Variants in SUV39H1 observed in about 807,000 individuals in gnomAD.
SUV39H1 encodes histone-lysine N-methyltransferase SUV39H1.
For missense variants in SUV39H1, 180 were observed against 386.3 expected, an observed-to-expected ratio of 0.47 and a Z score of 4.48; for synonymous variants, 141 against 150.5, an observed-to-expected ratio of 0.94 and a Z score of 0.46.
intron 1 of SUV39H1, among the ~76,000 whole-genome samples, chrX:48,697,132 C>G (rs1258255613): frequency 9.0e-6 from 1 of 110,840 alleles, no homozygotes; most frequent in Non-Finnish European, 1.9e-5. Flanking sequence ...AAAATCGGCC[C>G]CTGGTGACCG....
intron 3 of SUV39H1, among the ~76,000 whole-genome samples, chrX:48,704,864 C>T (rs1422767691): frequency 9.0e-6 from 1 of 111,186 alleles, no homozygotes; most frequent in Non-Finnish European, 1.9e-5. Flanking sequence ...CGGGCCTGGT[C>T]CCTGTGTCTC....
rs1557010138 is a variant in SUV39H1 at position 48,706,417 on chromosome X, T to TACCCC, written c.975+7_975+11dup. 8.3e-7 allele frequency: 1 copy of TACCCC among 1,207,590 alleles called. No homozygotes were observed. The highest frequency in any genetic ancestry group is 2.2e-5 in the Admixed American group (1 of 45,764). On this transcript the variant is annotated splice_region_variant and intron_variant, in intron 4 of 5. Coordinates refer to ENST00000376687, the MANE Select transcript of SUV39H1 (RefSeq NM_003173.4). ...CCCACTTTGTCAACCACAGTGTGGG[T>TACCCC]ACCCCCGGCAGGCGGGCAAGGGGTC...
In SUV39H1 at chrX:48,707,687, CACCTGCTCCT is replaced by C. The variant is rs782676806; in HGVS notation, c.*126_*135del. On this transcript the variant is annotated 3_prime_UTR_variant, in exon 6 of 6. Coordinates refer to ENST00000376687, the MANE Select transcript of SUV39H1 (RefSeq NM_003173.4). ...GGCCTCGCCTGCCTCCACCTGCCCCCACCTGCTCCTACCTGCTCTACGTTCAGGGCTGTGG... is the reference window on the plus strand; with the variant it reads ...GGCCTCGCCTGCCTCCACCTGCCCCCACCTGCTCTACGTTCAGGGCTGTGG... 1.1e-6 allele frequency: 1 copy of C among 940,535 alleles called. No homozygotes were observed. 77.5% of individuals were successfully genotyped at this position (940,535 alleles called of 1,213,427 possible). A position where few individuals can be genotyped will look rare whatever the true frequency, so the allele number is the denominator to read the frequency against.
rs1402068215 is a variant in SUV39H1, at chrX:48,707,735, C to T, written c.*165C>T. 1 of 630,633 alleles carries T rather than the reference C, an allele frequency of 1.6e-6. No individual in the cohort carries two copies. The highest frequency in any genetic ancestry group is 2.2e-5 in the African/African-American group (1 of 45,569). The allele number at this position is 630,633 out of a possible 1,213,427, so 52.0% of individuals were successfully genotyped here. ...TTCAGGGCTGTGGCCGTGGTGAGGA[C>T]CGACTCCAGGAGTCCCCTTTCCCTG... On this transcript the variant is annotated 3_prime_UTR_variant, in exon 6 of 6. Coordinates refer to ENST00000376687, the MANE Select transcript of SUV39H1 (RefSeq NM_003173.4).
upstream of SUV39H1, chrX:48,696,613 C>A (rs2062456254): frequency 4.9e-6 from 3 of 610,217 alleles, no homozygotes; most frequent in Non-Finnish European, 6.8e-6. Context: ...CACCCGCCTC[C>A]GGGACCGAGC....
At chrX:48,702,884 A>G (rs2062479367) in intron 3 of SUV39H1, among the ~76,000 whole-genome samples, 1 of 111,462 alleles carries the variant, frequency 9.0e-6, no homozygotes, top group Admixed American at 9.5e-5. Flanking sequence ...GGAAAGAGCC[A>G]AACTCATCTT....
Position 48,707,600 on chromosome X carries a change from A to G in SUV39H1, c.*30A>G, listed in dbSNP as rs781791975. On this transcript the variant is annotated 3_prime_UTR_variant, in exon 6 of 6. Coordinates refer to ENST00000376687, the MANE Select transcript of SUV39H1 (RefSeq NM_003173.4). ...TAGAAGTCTGAGGCCAGACTGACTG[A>G]GGGGGCCTGAAGCTACATGCACCTC... 537 of 1,205,417 alleles carry G rather than the reference A, an allele frequency of 4.5e-4. 5 individuals are homozygous for G. In the South Asian group the frequency reaches 9.1e-3, roughly 20 times the overall value.
chrX:48,699,143 G>C (rs2062465917), intron 2 of SUV39H1, 96 bp downstream of exon 2: 1 of 980,585 alleles, frequency 1.0e-6, no homozygotes, highest in Non-Finnish European at 1.4e-6. Context: ...TGTTTCCAAA[G>C]GGAATTTTCT....
At position 48,699,206 on chromosome X, in the gene SUV39H1, G is replaced by A. The variant is rs149367779; in HGVS notation, c.165+159G>A. ...TAGACCCTTTTATCCCTATGTTACA[G>A]ATAGGGAAACTAAGTAGCTTTCTGG... On this transcript the variant is annotated intron_variant, in intron 2 of 5. Transcript: ENST00000376687. 2.3e-3 allele frequency: 1,189 copies of A among 523,956 alleles called. 6 individuals carry two copies. In the African/African-American group the frequency reaches 0.024, roughly 11 times the overall value. The allele number at this position is 523,956 out of a possible 1,213,427, so 43.2% of individuals were successfully genotyped here. A position where few individuals can be genotyped will look rare whatever the true frequency, so the allele number is the denominator to read the frequency against.
rs1557009033 is a variant in SUV39H1, at chrX:48,698,984, T to C, written c.102T>C (p.Gly34=). ...CCAAGCTCTCCTGCCCTGCCCTCGG[T>C]ATCTCTAAGAGGAACCTCTATGACT... is the stretch of plus-strand genomic sequence containing the variant. ...RLAKLSCPAL[G]ISKRNLYDFE... is the part of the protein sequence containing the mutation. Residue 34 remains glycine (G), a synonymous_variant, in exon 2 of 6, where the codon GGT becomes GGC. Coordinates refer to ENST00000376687, the MANE Select transcript of SUV39H1 (RefSeq NM_003173.4). 1 of 1,210,754 alleles carries C rather than the reference T, an allele frequency of 8.3e-7. No individual in the cohort carries two copies. Among genetic ancestry groups the C allele is most frequent in the Non-Finnish European group, 1.1e-6 (1 of 894,977 alleles).
rs1463984801 is a variant in SUV39H1 at position 48,706,588 on chromosome X, C to T, written c.1066C>T (p.Arg356Trp). Residue 356 changes from arginine (R) to tryptophan (W), a missense_variant, in exon 5 of 6, where the codon CGG becomes TGG. Physicochemically the swap from Arg to Trp is moderately radical, Grantham distance 101. Coordinates refer to ENST00000376687, the MANE Select transcript of SUV39H1 (RefSeq NM_003173.4). ...RIAFFATRTI[R>W]AGEELTFDYN... ...CGCTTTCTTTGCCACAAGAACCATC[C>T]GGGCAGGCGAGGAGCTCACCTTTGA... 5.0e-6 allele frequency: 6 copies of T among 1,208,033 alleles called. No individual in the cohort carries two copies. The highest frequency in any genetic ancestry group is 3.5e-5 in the African/African-American group (2 of 57,177).
At chrX:48,695,611 T>C, upstream of SUV39H1, 1 of 1,091,270 alleles carries the variant, frequency 9.2e-7, no homozygotes, top group South Asian at 2.3e-5. Context: ...CTGGGTGCTC[T>C]GACTGACTGA....
Position 48,699,225 on chromosome X carries a change from T to C in SUV39H1, c.165+178T>C, listed in dbSNP as rs948070336. 10 of 441,134 alleles carry C rather than the reference T, an allele frequency of 2.3e-5. No individual in the cohort carries two copies. In the South Asian group the frequency reaches 5.9e-4, roughly 26 times the overall value. 36.4% of individuals were successfully genotyped at this position (441,134 alleles called of 1,213,427 possible). On this transcript the variant is annotated intron_variant, in intron 2 of 5. Transcript: ENST00000376687. ...GTTACAGATAGGGAAACTAAGTAGC[T>C]TTCTGGGCAGGAGCCGGAATGAATT... is the stretch of plus-strand genomic sequence containing the variant.
At chrX:48,697,141 C>T (rs1484755320) in intron 1 of SUV39H1, among the ~76,000 whole-genome samples, 1 of 110,937 alleles carries the variant, frequency 9.0e-6, no homozygotes, top group Admixed American at 9.4e-5. Context: ...CCCTGGTGAC[C>T]GTTACCCATT....
At chrX:48,699,068 C>T in intron 2 of SUV39H1, 21 bp downstream of exon 2, 1 of 1,194,666 alleles carries the variant, frequency 8.4e-7, no homozygotes, top group Non-Finnish European at 1.1e-6. Flanking sequence ...GGTGACCATG[C>T]TCTGGGAGGG....
chrX:48,699,240 C>T lies in SUV39H1; in HGVS notation c.165+193C>T, dbSNP rs2062466329. 1.5e-5 allele frequency: 6 copies of T among 390,076 alleles called. No individual in the cohort carries two copies. In the South Asian group the frequency reaches 2.7e-4, roughly 18 times the overall value. The allele number at this position is 390,076 out of a possible 1,213,427, so 32.1% of individuals were successfully genotyped here. A position where few individuals can be genotyped will look rare whatever the true frequency, so the allele number is the denominator to read the frequency against. On this transcript the variant is annotated intron_variant, in intron 2 of 5. Coordinates refer to ENST00000376687, the MANE Select transcript of SUV39H1 (RefSeq NM_003173.4). ...ACTAAGTAGCTTTCTGGGCAGGAGC[C>T]GGAATGAATTCCCAAATAAATCTCT...
In SUV39H1 at chrX:48,696,773, C is replaced by A; in HGVS notation, c.-12C>A. On this transcript the variant is annotated 5_prime_UTR_variant, in exon 1 of 6. Coordinates refer to ENST00000376687, the MANE Select transcript of SUV39H1 (RefSeq NM_003173.4). ...GCCGGCTAGGCCCGAATGTCGTTAG[C>A]CGTGGGGAAAGATGGCGGAAAATTT... The A allele has an allele frequency of 1.8e-6, 2 of 1,140,527 alleles. No homozygotes were observed. The highest frequency in any genetic ancestry group is 2.9e-5 in the Admixed American group (1 of 34,072). 94.0% of individuals were successfully genotyped at this position (1,140,527 alleles called of 1,213,427 possible). A position where few individuals can be genotyped will look rare whatever the true frequency, so the allele number is the denominator to read the frequency against.
intron 3 of SUV39H1, among the ~76,000 whole-genome samples, chrX:48,701,619 C>T (rs782134694): frequency 9.0e-6 from 1 of 111,636 alleles, no homozygotes; most frequent in South Asian, 3.7e-4. Flanking sequence ...AGAGAGGCAA[C>T]AGGATGTGCT....
intron 1 of SUV39H1, 32 bp downstream of exon 1, chrX:48,696,835 CTGGCCGGGCCGGG>C (rs1160426236): frequency 1.8e-6 from 2 of 1,092,522 alleles, no homozygotes; most frequent in Non-Finnish European, 2.4e-6. Flanking sequence ...CGCGGGCCCG[CTGGCCGGGCCGGG>C]TGGGCTGGAG....
Sources: gnomAD v4.1 joint callset for allele counts (sites outside exome capture counted in the v4.1 genomes callset) on GRCh38, gnomAD v4.1.1 for gene constraint, MANE v1.5 for transcripts, NCBI Gene and HGNC (gene_info 2026-07-23, HGNC 2026-07-21) for gene names.